The following UTRN variants were observed in gnomAD, a reference collection of about 807,000 sequenced individuals.
UTRN encodes dystrophin-related protein 1.
A neutral mutation model predicts 463.9 loss-of-function variants in UTRN; 283 were observed. That is an observed-to-expected ratio of 0.61 (90% CI 0.55 to 0.67). The LOEUF is 0.67. UTRN is among the 30% of genes least tolerant of loss of function. The pLI, the probability that UTRN is intolerant of heterozygous loss-of-function variation, is 0.00. For missense variants in UTRN, 3,922 were observed against 4,084.3 expected (o/e 0.96, Z 1.08); for synonymous variants, 1,442 against 1,431.5 (o/e 1.01, Z -0.17).
chr6:144,314,686 A>T (rs1297779157), intron 2 of UTRN, among the ~76,000 whole-genome samples: 1 of 152,210 alleles, frequency 6.6e-6, no homozygotes, highest in East Asian at 1.9e-4. Flanking sequence ...TTCTGCAGAA[A>T]ATGTATGAAT....
intron 51 of UTRN, among the ~76,000 whole-genome samples, chr6:144,629,571 A>G (rs1450402233): frequency 6.6e-6 from 1 of 152,190 alleles, no homozygotes; most frequent in African/African-American, 2.4e-5. Flanking sequence ...TTGTGATTCC[A>G]TGTCCAGCAA....
intron 69 of UTRN, among the ~76,000 whole-genome samples, chr6:144,833,639 TC>T (rs1419024305): frequency 6.6e-6 from 1 of 152,244 alleles, no homozygotes; most frequent in Non-Finnish European, 1.5e-5. Context: ...TTACGCTTTG[TC>T]CATTTGTCCT....
chr6:144,450,308 A>C (rs1188991717), intron 17 of UTRN, among the ~76,000 whole-genome samples: 1 of 152,156 alleles, frequency 6.6e-6, no homozygotes, highest in Admixed American at 6.5e-5. Flanking sequence ...TAGCTGGTCC[A>C]TGTGATTCTT....
intron 3 of UTRN, among the ~76,000 whole-genome samples, chr6:144,413,096 G>A (rs745706346): frequency 2.0e-5 from 3 of 152,112 alleles, no homozygotes; most frequent in Non-Finnish European, 4.4e-5. Flanking sequence ...AGCTAGATTT[G>A]CAAATTCACC....
intron 2 of UTRN, among the ~76,000 whole-genome samples, chr6:144,305,521 G>A (rs1335932569): frequency 1.3e-5 from 2 of 152,224 alleles, no homozygotes; most frequent in Admixed American, 1.3e-4. Context: ...CTTAAGCCCA[G>A]TTCCTTGGAA....
At chr6:144,639,991 T>G (rs191125346) in intron 51 of UTRN, among the ~76,000 whole-genome samples, 1 of 152,138 alleles carries the variant, frequency 6.6e-6, no homozygotes, top group Admixed American at 6.5e-5. Flanking sequence ...CCAGAGATGA[T>G]GCAGACAACA....
At chr6:144,360,891 A>C (rs1156584899) in intron 2 of UTRN, among the ~76,000 whole-genome samples, 1 of 152,138 alleles carries the variant, frequency 6.6e-6, no homozygotes, top group Non-Finnish European at 1.5e-5. Flanking sequence ...CTTCTGAAAT[A>C]AACTACTTAT....
At chr6:144,318,621 G>A (rs900361290) in intron 2 of UTRN, among the ~76,000 whole-genome samples, 3 of 152,076 alleles carry the variant, frequency 2.0e-5, no homozygotes, top group African/African-American at 4.8e-5. Flanking sequence ...TTGCCACCAC[G>A]CCTGGCTAAT....
intron 53 of UTRN, among the ~76,000 whole-genome samples, 165 bp downstream of exon 53, chr6:144,700,408 G>T (rs994899752): frequency 4.6e-5 from 7 of 151,366 alleles, no homozygotes; most frequent in Admixed American, 3.3e-4. Context: ...TGCATACATT[G>T]TTTCCATTTG....
At chr6:144,360,268 G>A (rs1778962250) in intron 2 of UTRN, among the ~76,000 whole-genome samples, 1 of 151,730 alleles carries the variant, frequency 6.6e-6, no homozygotes, top group Non-Finnish European at 1.5e-5. Context: ...CACCTCACGG[G>A]TTCAAGGGAT....
chr6:144,468,088 G>A (rs1404049409), intron 23 of UTRN, among the ~76,000 whole-genome samples: 2 of 151,872 alleles, frequency 1.3e-5, no homozygotes, highest in Admixed American at 6.6e-5. Context: ...TGGGGGAGGA[G>A]CAAAAGAAAA....
intron 6 of UTRN, among the ~76,000 whole-genome samples, chr6:144,426,079 T>C (rs1185366582): frequency 1.3e-5 from 2 of 152,150 alleles, no homozygotes; most frequent in Non-Finnish European, 2.9e-5. Context: ...GAGGTAAAAA[T>C]CACCTCAAAT....
chr6:144,718,747 G>T (rs1391208655), intron 53 of UTRN, among the ~76,000 whole-genome samples: 3 of 152,150 alleles, frequency 2.0e-5, no homozygotes, highest in African/African-American at 7.2e-5. Context: ...AAAATTTATT[G>T]GCTTTCCGCT....
intron 34 of UTRN, 30 bp from the exon 35 acceptor site, chr6:144,510,914 C>T (rs1237221039): frequency 4.7e-6 from 7 of 1,492,558 alleles, no homozygotes; most frequent in Non-Finnish European, 4.5e-6. Flanking sequence ...TCTGAAGCAT[C>T]AAGTAGGTCT....
At chr6:144,583,701 C>A in intron 51 of UTRN, 1 of 458,700 alleles carries the variant, frequency 2.2e-6, no homozygotes, top group Non-Finnish European at 4.0e-6. Flanking sequence ...AGGAAAGATT[C>A]CCTTTCTTAG....
intron 51 of UTRN, among the ~76,000 whole-genome samples, chr6:144,593,389 T>C (rs1274329807): frequency 2.0e-5 from 3 of 152,122 alleles, no homozygotes; most frequent in African/African-American, 4.8e-5. Flanking sequence ...AGGCCTCCAA[T>C]TGGTTACAAC....
intron 2 of UTRN, among the ~76,000 whole-genome samples, chr6:144,364,728 AAGGTGTTGAC>A (rs1779365428): frequency 6.6e-6 from 1 of 152,190 alleles, no homozygotes; most frequent in Non-Finnish European, 1.5e-5. Flanking sequence ...AGCTAAAATG[AAGGTGTTGAC>A]AGGGCCATGT....
At chr6:144,811,813 C>T (rs1472787118) in intron 65 of UTRN, among the ~76,000 whole-genome samples, 1 of 151,680 alleles carries the variant, frequency 6.6e-6, no homozygotes, top group Non-Finnish European at 1.5e-5. Flanking sequence ...TAGCAGTATG[C>T]ATGTACCAGT....
At chr6:144,446,891 TTGTAA>T (rs1279266436) in intron 14 of UTRN, among the ~76,000 whole-genome samples, 2 of 152,250 alleles carry the variant, frequency 1.3e-5, no homozygotes, top group Non-Finnish European at 2.9e-5. Context: ...CTCTAGGAAG[TTGTAA>T]TGTAATTCCT....
Sources: gnomAD v4.1 joint callset for allele counts (sites outside exome capture counted in the v4.1 genomes callset) on GRCh38, gnomAD v4.1.1 for gene constraint, MANE v1.5 for transcripts, NCBI Gene and HGNC (gene_info 2026-07-23, HGNC 2026-07-21) for gene names.